The following PAX6 variants were observed in gnomAD, a reference collection of about 807,000 sequenced individuals.
PAX6 encodes the protein paired box 6.
In PAX6, 7 loss-of-function variants were observed where a neutral mutation model predicts 60.7. The observed-to-expected ratio is 0.12, with a 90% CI of 0.07 to 0.22. PAX6 has a LOEUF of 0.22. PAX6 is among the 10% of genes least tolerant of loss of function. The pLI is 1.00. For synonymous variants in PAX6, 208 were observed against 201.2 expected, an observed-to-expected ratio of 1.03 and a Z score of -0.29; for missense variants, 355 against 555.2, an observed-to-expected ratio of 0.64 and a Z score of 3.62.
intron 7 of PAX6, chr11:31,801,258 G>A: frequency 1.4e-6 from 2 of 1,379,398 alleles, no homozygotes; most frequent in Middle Eastern, 2.7e-4. Context: ...AGGTGGATTA[G>A]GACGAAGTTA....
chr11:31,800,585 A>ACTG, intron 8 of PAX6, 106 bp downstream of exon 8: 1 of 1,335,914 alleles, frequency 7.5e-7, no homozygotes, highest in Non-Finnish European at 1.1e-6. Flanking sequence ...CTCACCCATG[A>ACTG]CATTCCCCAA....
In PAX6 at chr11:31,801,581, T is replaced by C. The variant is rs763754697; in HGVS notation, c.379A>G (p.Thr127Ala). 6.2e-7 allele frequency: 1 copy of C among 1,614,034 alleles called. No individual in the cohort carries two copies. The highest frequency in any genetic ancestry group is 8.5e-7 in the Non-Finnish European group (1 of 1,180,046). ...RDRLLSEGVC[T>A]NDNIPSVSSI... ...CTTACGCTTGGTATGTTATCGTTGG[T>C]ACAGACCCCCTCGGACAGTAATCTG... The change falls in exon 7 of 14, where the codon ACC becomes GCC. Residue 127 changes from threonine (T) to alanine (A), a missense_variant. By Grantham distance (58) the Thr-to-Ala change is moderately conservative. Coordinates refer to ENST00000640368, the MANE Select transcript of PAX6 (RefSeq NM_001368894.2).
intron 2 of PAX6, chr11:31,808,400 CCTGT>C (rs1956340222): frequency 6.6e-6 from 1 of 152,240 alleles, no homozygotes; most frequent in Non-Finnish European, 1.5e-5. Context: ...ATGCTTCCTT[CCTGT>C]CTCTCAGTCC....
At chr11:31,815,687 T>A (rs1054546137), upstream of PAX6, among the ~76,000 whole-genome samples, 1 of 150,388 alleles carries the variant, frequency 6.6e-6, no homozygotes, top group Non-Finnish European at 1.5e-5. Flanking sequence ...AGGGGCTCAA[T>A]GCGAGTTTTA....
At chr11:31,794,257 C>T (rs532134619) in intron 9 of PAX6, 143 bp from the exon 10 acceptor site, 6 of 741,464 alleles carry the variant, frequency 8.1e-6, no homozygotes, top group African/African-American at 5.2e-5. Context: ...GTTGACTGTA[C>T]TTGGAAGAAC....
chr11:31,792,094 A>C (rs1950139379), intron 12 of PAX6: 1 of 152,262 alleles, frequency 6.6e-6, no homozygotes, highest in South Asian at 2.1e-4. Context: ...GTTATAATAC[A>C]TGAAACTGAA....
At chr11:31,794,269 T>G (rs1398354755) in intron 9 of PAX6, 155 bp from the exon 10 acceptor site, 1 of 725,242 alleles carries the variant, frequency 1.4e-6, no homozygotes, top group Non-Finnish European at 2.5e-6. Flanking sequence ...TGGAAGAACT[T>G]TCCCACCAGA....
chr11:31,810,500 C>T (rs1456244015), intron 2 of PAX6: 1 of 190,296 alleles, frequency 5.3e-6, no homozygotes, highest in East Asian at 1.3e-4. Flanking sequence ...GACGCTGGGG[C>T]TAGGAGCCGC....
upstream of PAX6, chr11:31,814,919 A>G (rs995537808): frequency 1.9e-5 from 3 of 154,980 alleles, no homozygotes; most frequent in Admixed American, 6.4e-5. Flanking sequence ...GCCTCCTGCC[A>G]AATGGCCAGT....
At chr11:31,791,350 G>T in intron 12 of PAX6, 1 of 219,984 alleles carries the variant, frequency 4.5e-6, no homozygotes, top group Non-Finnish European at 9.2e-6. Context: ...TCACTGATGG[G>T]ATTAAAGATT....
intron 1 of PAX6, chr11:31,816,711 G>T (rs933105941): frequency 2.9e-6 from 2 of 693,182 alleles, no homozygotes; most frequent in Admixed American, 4.0e-5. Flanking sequence ...GGGCGCCACC[G>T]CTCGGAGTCG....
At chr11:31,802,575 G>T in intron 5 of PAX6, 129 bp downstream of exon 5, 1 of 895,008 alleles carries the variant, frequency 1.1e-6, no homozygotes, top group Non-Finnish European at 1.6e-6. Context: ...TGGGTGGGGG[G>T]ACTGGGGACT....
chr11:31,807,302 G>T (rs969530027), intron 2 of PAX6: 1 of 152,712 alleles, frequency 6.5e-6, no homozygotes, highest in Non-Finnish European at 1.5e-5. Flanking sequence ...GAAGTTTGGA[G>T]ACCAGGGGAA....
upstream of PAX6, chr11:31,812,296 CTCTCTCTGTGTGTGTG>C (rs1364272270): frequency 1.8e-5 from 2 of 109,938 alleles, no homozygotes; most frequent in African/African-American, 8.7e-5. Context: ...GATTCTCTCT[CTCTCTCTGTGTGTGTG>C]TGTGTGTGTG....
intron 8 of PAX6, among the ~76,000 whole-genome samples, chr11:31,796,704 A>G (rs1194808861): frequency 2.0e-5 from 3 of 152,132 alleles, no homozygotes; most frequent in African/African-American, 7.2e-5. Context: ...CAAAAAACAT[A>G]GAGGCTAGAA....
Position 31,794,015 on chromosome 11 carries a change from GCA to G in PAX6, c.807+15_807+16del, listed in dbSNP as rs1452952368. ...GGTATGAATCACAAAGTGTGAAACT[GCA>G]CAGTCTCTCGGTACCTGTATTCTTG... On this transcript the variant is annotated intron_variant, in intron 10 of 13. Coordinates refer to ENST00000640368, the MANE Select transcript of PAX6 (RefSeq NM_001368894.2). 4 of 1,555,272 alleles carry G rather than the reference GCA, an allele frequency of 2.6e-6. No individual in the cohort carries two copies. The highest frequency in any genetic ancestry group is 1.8e-6 in the Non-Finnish European group (2 of 1,126,322).
intron 4 of PAX6, chr11:31,806,094 C>G (rs1269166034): frequency 1.6e-5 from 7 of 434,356 alleles, no homozygotes; most frequent in Non-Finnish European, 2.8e-5. Flanking sequence ...AGAGCCCGGG[C>G]AGGGGCGAGA....
chr11:31,790,108 A>AC (rs1251421153), intron 13 of PAX6, 89 bp from the exon 14 acceptor site: 2 of 794,468 alleles, frequency 2.5e-6, no homozygotes, highest in Non-Finnish European at 4.1e-6. Flanking sequence ...AAAAAAAAAA[A>AC]AAAAAAAAAA....
At chr11:31,813,674 G>C (rs1192085318), upstream of PAX6, among the ~76,000 whole-genome samples, 1 of 152,058 alleles carries the variant, frequency 6.6e-6, no homozygotes, top group Non-Finnish European at 1.5e-5. Context: ...AGGGGGCTCC[G>C]GGAAAGACTC....
Sources: allele counts gnomAD v4.1 joint callset (sites outside exome capture counted in the v4.1 genomes callset), GRCh38; gene constraint gnomAD v4.1.1; transcripts MANE v1.5; gene names NCBI Gene and HGNC (gene_info 2026-07-23, HGNC 2026-07-21).